TCF4: variants seen among roughly 807,000 people sequenced by gnomAD.
The protein encoded by TCF4 is transcription factor 4.
A neutral mutation model predicts 82.1 loss-of-function variants in TCF4; 3 were observed. The observed-to-expected ratio is 0.04, with a 90% confidence interval of 0.02 to 0.09. TCF4 has a LOEUF of 0.09. TCF4 is among the 10% of genes least tolerant of loss of function. TCF4 has a pLI of 1.00. For missense variants in TCF4, 518 were observed against 852.7 expected (o/e 0.61, Z 4.89); for synonymous variants, 276 against 309.6 (o/e 0.89, Z 1.14).
chr18:55,313,947 C>G lies in TCF4; in HGVS notation c.550-34291G>C, dbSNP rs1234836132. On this transcript the variant is annotated intron_variant, in intron 8 of 19. Coordinates refer to ENST00000354452, the MANE Select transcript of TCF4 (RefSeq NM_001083962.2). Reference sequence around the variant, plus strand: ...ATGAGTTTGACATTTCCCTCCCCCCCTTACAAATTCACAGAGTAGAGATAA... The same window carrying G: ...ATGAGTTTGACATTTCCCTCCCCCCGTTACAAATTCACAGAGTAGAGATAA... 2.6e-5 allele frequency among the ~76,000 whole-genome samples: 4 copies of G among 152,136 alleles called. No individual in the cohort carries two copies. The East Asian group carries it at 5.8e-4, about 22-fold the overall frequency.
chr18:55,547,493 C>A (rs115077104), intron 3 of TCF4, among the ~76,000 whole-genome samples: 1 of 152,172 alleles, frequency 6.6e-6, no homozygotes, highest in Non-Finnish European at 1.5e-5. Context: ...CTGTAGCTCA[C>A]CACCTACAAC....
intron 5 of TCF4, among the ~76,000 whole-genome samples, chr18:55,406,056 G>A (rs1031045005): frequency 6.6e-6 from 1 of 150,960 alleles, no homozygotes; most frequent in African/African-American, 2.4e-5. Flanking sequence ...ATGGGCACCC[G>A]TCCAGGGCTC....
At chr18:55,394,166 G>A (rs1194046120) in intron 6 of TCF4, among the ~76,000 whole-genome samples, 1 of 152,098 alleles carries the variant, frequency 6.6e-6, no homozygotes, top group Admixed American at 6.5e-5. Context: ...TGTATACAAT[G>A]CCAATAAAAC....
chr18:55,343,918 T>C (rs1335582265), intron 8 of TCF4, among the ~76,000 whole-genome samples: 1 of 152,284 alleles, frequency 6.6e-6, no homozygotes, highest in Admixed American at 6.5e-5. Context: ...GAAAATCCTG[T>C]GCTATTGCTT....
intron 8 of TCF4, among the ~76,000 whole-genome samples, chr18:55,288,073 T>G (rs2064111108): frequency 1.3e-5 from 2 of 152,198 alleles, no homozygotes; most frequent in Admixed American, 1.3e-4. Context: ...AGTGAGTTAT[T>G]ATTCCAACTC....
intron 3 of TCF4, among the ~76,000 whole-genome samples, chr18:55,538,511 C>T (rs1283347093): frequency 6.6e-6 from 1 of 152,152 alleles, no homozygotes; most frequent in Non-Finnish European, 1.5e-5. Context: ...CAGAAGACTC[C>T]ACAGCAGGAA....
intron 3 of TCF4, among the ~76,000 whole-genome samples, chr18:55,582,995 A>C (rs1469750197): frequency 6.6e-6 from 1 of 152,162 alleles, no homozygotes; most frequent in Non-Finnish European, 1.5e-5. Context: ...AACTCTTTTA[A>C]GTGGAAATAC....
chr18:55,448,877 C>T (rs2095572142), intron 5 of TCF4, among the ~76,000 whole-genome samples: 1 of 152,296 alleles, frequency 6.6e-6, no homozygotes. Flanking sequence ...CCAAATGAAA[C>T]TCATGAGGGT....
At chr18:55,544,924 C>T (rs2097193172) in intron 3 of TCF4, among the ~76,000 whole-genome samples, 1 of 152,130 alleles carries the variant, frequency 6.6e-6, no homozygotes, top group Admixed American at 6.5e-5. Flanking sequence ...ACTACCACAG[C>T]AAGTACATGA....
chr18:55,541,524 G>T (rs2097165068), intron 3 of TCF4, among the ~76,000 whole-genome samples: 2 of 151,892 alleles, frequency 1.3e-5, no homozygotes, highest in South Asian at 2.1e-4. Flanking sequence ...AACTAAACCT[G>T]TCCTTTAAAT....
At position 55,228,290 on chromosome 18, in the gene TCF4, G is replaced by C. The variant is rs549600113; in HGVS notation, c.1951C>G (p.Pro651Ala). ...GGGTGTGGGCCGGCCAAGGAGAGAG[G>C]GGGAGGCTCTGAGGACACCTTCTCT... is the stretch of plus-strand genomic sequence containing the variant. ...EEEKVSSEPP[P>A]LSLAGPHPGM... Residue 651 changes from proline (P) to alanine (A), a missense_variant, in exon 19 of 20, where the codon CCT becomes GCT. Physicochemically the swap from Pro to Ala is conservative, Grantham distance 27. This residue lies in a region of TCF4 where 40 missense variants were observed against 41.5 expected (regional missense o/e 0.96). Coordinates refer to ENST00000354452, the MANE Select transcript of TCF4 (RefSeq NM_001083962.2). 1.9e-6 allele frequency: 3 copies of C among 1,614,084 alleles called. No homozygotes were observed. Among genetic ancestry groups the C allele is most frequent in the South Asian group, 1.1e-5 (1 of 91,070 alleles).
chr18:55,260,952 A>G (rs1487903213), intron 12 of TCF4: 1 of 158,698 alleles, frequency 6.3e-6, no homozygotes, highest in Admixed American at 6.0e-5. Context: ...TTTTGTCATC[A>G]GGGAACATGC....
intron 5 of TCF4, among the ~76,000 whole-genome samples, chr18:55,427,211 CT>C (rs376427337): frequency 5.3e-5 from 8 of 152,256 alleles, no homozygotes; most frequent in Non-Finnish European, 1.0e-4. Flanking sequence ...CTTCCAGCTT[CT>C]TTTCCCTTTT....
At chr18:55,465,885 T>A (rs1341302299) in intron 3 of TCF4, among the ~76,000 whole-genome samples, 1 of 152,208 alleles carries the variant, frequency 6.6e-6, no homozygotes, top group Non-Finnish European at 1.5e-5. Flanking sequence ...TTTCTCCTCT[T>A]GAATTTGGCC....
chr18:55,403,759 T>C (rs2093952603), intron 5 of TCF4: 1 of 1,533,872 alleles, frequency 6.5e-7, no homozygotes, highest in African/African-American at 1.4e-5. Flanking sequence ...AAACTGTCAT[T>C]CCAATGGCCT....
In TCF4 at chr18:55,333,000, C is replaced by T. The variant is rs138508881; in HGVS notation, c.549+17359G>A. Among the ~76,000 whole-genome samples the T allele has an allele frequency of 1.3e-3, 191 of 152,258 alleles. 1 individual carries two copies. The highest frequency in any genetic ancestry group is 4.2e-3 in the African/African-American group (174 of 41,564). On this transcript the variant is annotated intron_variant, in intron 8 of 19. Transcript: ENST00000354452. ...AGCCCACATCTTTTATGAAACAAGC[C>T]TAATCGGTCAAGTCTACCAAAAAAT...
At chr18:55,316,989 A>G (rs1437189163) in intron 8 of TCF4, among the ~76,000 whole-genome samples, 2 of 152,096 alleles carry the variant, frequency 1.3e-5, no homozygotes, top group Non-Finnish European at 2.9e-5. Flanking sequence ...TCAAACTGGT[A>G]TCTGTGAATC....
chr18:55,393,508 T>C (rs558001702), intron 6 of TCF4, among the ~76,000 whole-genome samples: 3 of 152,342 alleles, frequency 2.0e-5, no homozygotes, highest in East Asian at 1.9e-4. Context: ...TCAAAGAAGT[T>C]TGTAAAAATC....
intron 15 of TCF4, among the ~76,000 whole-genome samples, chr18:55,253,609 T>C (rs2055916415): frequency 6.6e-6 from 1 of 152,162 alleles, no homozygotes; most frequent in Non-Finnish European, 1.5e-5. Context: ...AATTGTAATA[T>C]GGACAAATCT....
Sources: gnomAD v4.1 joint callset for allele counts (sites outside exome capture counted in the v4.1 genomes callset) on GRCh38, gnomAD v4.1.1 for gene constraint, gnomAD v4.1.1 regional missense constraint, MANE v1.5 for transcripts, NCBI Gene and HGNC (gene_info 2026-07-23, HGNC 2026-07-21) for gene names.